APLP2: variants seen among roughly 807,000 people sequenced by gnomAD.
APLP2 encodes amyloid beta precursor like protein 2.
In APLP2, 53 loss-of-function variants were observed where a neutral mutation model predicts 89.9. The observed-to-expected ratio is 0.59, with a 90% confidence interval of 0.47 to 0.74. The LOEUF (loss-of-function observed/expected upper bound fraction) is 0.74. Among genes scored for constraint, APLP2 ranks in the 30% least tolerant of loss-of-function variants. The pLI is 0.00. For synonymous variants in APLP2, 372 were observed against 348.6 expected (o/e 1.07, Z -0.75); for missense variants, 973 against 975.9 (o/e 1.00, Z 0.04).
At chr11:130,101,824 C>A in intron 1 of APLP2, 1 of 418,156 alleles carries the variant, frequency 2.4e-6, no homozygotes, top group South Asian at 1.8e-5. Context: ...GACTTACAGA[C>A]CTTATTCAAA....
At chr11:130,072,553 T>C (rs1179346604) in intron 1 of APLP2, among the ~76,000 whole-genome samples, 1 of 149,788 alleles carries the variant, frequency 6.7e-6, no homozygotes, top group Non-Finnish European at 1.5e-5. Context: ...CTGGGCTCAC[T>C]GCAACTTCCG....
Position 130,127,778 on chromosome 11 carries a change from T to C in APLP2, c.1234T>C (p.Trp412Arg), listed in dbSNP as rs773180774. Residue 412 changes from tryptophan to arginine, a missense_variant, in exon 9 of 17, where the codon TGG becomes CGG. Trp to Arg is a moderately radical substitution (Grantham distance 101). Coordinates refer to ENST00000338167, the MANE Select transcript of APLP2 (RefSeq NM_001142276.2). ...ACCTTTGTTCTAGGTAAAGAAGGAA[T>C]GGGAAGAGGCAGAGCTTCAAGCTAA... ...RNRMDRVKKE[W>R]EEAELQAKNL... The C allele has an allele frequency of 2.5e-6, 4 of 1,614,090 alleles. No homozygotes were observed. Among genetic ancestry groups the C allele is most frequent in the Non-Finnish European group, 1.7e-6 (2 of 1,179,990 alleles).
At position 130,123,378 on chromosome 11, in the gene APLP2, C is replaced by A. The variant is rs956053872; in HGVS notation, c.923-234C>A. Among the ~76,000 whole-genome samples the A allele has an allele frequency of 1.3e-5, 2 of 152,210 alleles. No homozygotes were observed. The highest frequency in any genetic ancestry group is 4.8e-5 in the African/African-American group (2 of 41,456). On this transcript the variant is annotated intron_variant, in intron 6 of 16. Coordinates refer to ENST00000338167, the MANE Select transcript of APLP2 (RefSeq NM_001142276.2). The surrounding 1 kb of genome is among the most constrained non-coding windows in gnomAD (Gnocchi z 4.0). ...GTCAATCTAAACTCAGATCTAGACT[C>A]CAGAGGGTGCCAAAAAAATATTTAT...
chr11:130,082,335 C>T (rs1328198801), intron 1 of APLP2, among the ~76,000 whole-genome samples: 1 of 152,068 alleles, frequency 6.6e-6, no homozygotes, highest in African/African-American at 2.4e-5. Context: ...AGGTGCCCGC[C>T]ATCACGCCCA....
Position 130,141,521 on chromosome 11 carries a change from TAAGGA to T in APLP2, c.1950_1954del (p.Lys650AsnfsTer29). 1 of 1,613,908 alleles carries T rather than the reference TAAGGA, an allele frequency of 6.2e-7. No homozygotes were observed. Among genetic ancestry groups the T allele is most frequent in the Non-Finnish European group, 8.5e-7 (1 of 1,179,952 alleles). On this transcript the variant is annotated frameshift_variant, in exon 15 of 17. Transcript: ENST00000338167. LOFTEE classifies it high-confidence loss of function. This position sits in a 1 kb window ranked among gnomAD's most constrained non-coding sequence, Gnocchi z 4.2. ...AGGTCATTGACGAGACTCTGGATGT[TAAGGA>T]AATGATTTTCAATGCCGAGAGAGTT...
At chr11:130,094,012 T>G (rs1945832869) in intron 1 of APLP2, among the ~76,000 whole-genome samples, 1 of 151,426 alleles carries the variant, frequency 6.6e-6, no homozygotes, top group Non-Finnish European at 1.5e-5. Context: ...CTCAAAGTGC[T>G]GGGATTACAG....
intron 1 of APLP2, among the ~76,000 whole-genome samples, chr11:130,072,255 C>T (rs1941252759): frequency 6.6e-6 from 1 of 152,188 alleles, no homozygotes; most frequent in Non-Finnish European, 1.5e-5. Context: ...CAGTGGATGA[C>T]TAGGCTCCTG....
chr11:130,143,219 C>A lies in APLP2; in HGVS notation c.2155-128C>A, dbSNP rs191884185. 5 of 796,404 alleles carry A rather than the reference C, an allele frequency of 6.3e-6. No individual in the cohort carries two copies. In the South Asian group the frequency reaches 7.4e-5, roughly 12 times the overall value. The allele number at this position is 796,404 out of a possible 1,614,324, so 49.3% of individuals were successfully genotyped here. A position where few individuals can be genotyped will look rare whatever the true frequency, so the allele number is the denominator to read the frequency against. ...ACCACCGGTTCTCATTTGGCCTGTC[C>A]GGTGGGAACGGGCTGCTGGCTGCAT... On this transcript the variant is annotated intron_variant, in intron 16 of 16. Transcript: ENST00000338167.
At chr11:130,097,379 C>T (rs779864782) in intron 1 of APLP2, among the ~76,000 whole-genome samples, 4 of 152,190 alleles carry the variant, frequency 2.6e-5, no homozygotes, top group Non-Finnish European at 5.9e-5. Flanking sequence ...GAATTTCATG[C>T]CTTTCAGCAT....
Position 130,121,649 on chromosome 11 carries a change from C to A in APLP2, c.552C>A (p.Tyr184Ter). The A allele has an allele frequency of 1.9e-6, 3 of 1,614,028 alleles. No individual in the cohort carries two copies. Among genetic ancestry groups the A allele is most frequent in the Non-Finnish European group, 2.5e-6 (3 of 1,179,988 alleles). The change falls in exon 5 of 17, where the codon TAC becomes TAA. Residue 184 changes from tyrosine to a stop codon, truncating the protein, a stop_gained. Transcript: ENST00000338167. LOFTEE classifies it high-confidence loss of function. ...CLTQGMTLYS[Y>*]GMLLPCGVDQ... The stretch of plus-strand genomic sequence containing the variant: ...CTCAGGGAATGACCTTATATAGCTA[C>A]GGCATGCTGCTCCCATGTGGGGTAG...
At chr11:130,122,739 G>A (rs1949963107) in intron 6 of APLP2, among the ~76,000 whole-genome samples, 1 of 152,160 alleles carries the variant, frequency 6.6e-6, no homozygotes, top group African/African-American at 2.4e-5. Flanking sequence ...AGAGAACGGG[G>A]ACTAGAGAGT....
chr11:130,108,615 A>G (rs185501407), intron 1 of APLP2: 1 of 152,242 alleles, frequency 6.6e-6, no homozygotes, highest in Non-Finnish European at 1.5e-5. Flanking sequence ...GTGGGACTCT[A>G]AACTAGTTCA....
At chr11:130,093,689 T>C (rs1470429904) in intron 1 of APLP2, among the ~76,000 whole-genome samples, 1 of 152,092 alleles carries the variant, frequency 6.6e-6, no homozygotes, top group African/African-American at 2.4e-5. Flanking sequence ...CCAAGACATG[T>C]TAGGTTGAAA....
intron 1 of APLP2, among the ~76,000 whole-genome samples, chr11:130,090,584 G>A (rs1339043196): frequency 6.6e-6 from 1 of 152,012 alleles, no homozygotes; most frequent in East Asian, 1.9e-4. Context: ...TTGGGGGTAA[G>A]GTCACAGATC....
intron 3 of APLP2, among the ~76,000 whole-genome samples, chr11:130,117,189 T>A (rs1022703128): frequency 2.0e-5 from 3 of 152,252 alleles, no homozygotes; most frequent in African/African-American, 7.2e-5. Context: ...GTGTTCTTTT[T>A]TGATTTTTAG....
At chr11:130,099,645 C>A (rs1454368315) in intron 1 of APLP2, among the ~76,000 whole-genome samples, 1 of 152,180 alleles carries the variant, frequency 6.6e-6, no homozygotes, top group Admixed American at 6.5e-5. Flanking sequence ...TGAATTCCCA[C>A]AAAATATGAA....
chr11:130,133,436 A>T (rs1951159728), intron 11 of APLP2, among the ~76,000 whole-genome samples, 193 bp from the exon 12 acceptor site: 1 of 152,152 alleles, frequency 6.6e-6, no homozygotes. Context: ...ACACGTTCTT[A>T]TACTTTAGCA....
chr11:130,138,374 G>A (rs922790650), intron 13 of APLP2, among the ~76,000 whole-genome samples: 6 of 152,106 alleles, frequency 3.9e-5, no homozygotes, highest in African/African-American at 1.2e-4. Context: ...TGACTGTGCC[G>A]ACATTCCTTT....
intron 1 of APLP2, among the ~76,000 whole-genome samples, chr11:130,085,546 T>G (rs964945755): frequency 1.3e-5 from 2 of 152,180 alleles, no homozygotes; most frequent in Non-Finnish European, 1.5e-5. Flanking sequence ...CTACTAAACA[T>G]TAAGGAAGAA....
Sources: allele counts gnomAD v4.1 joint callset (sites outside exome capture counted in the v4.1 genomes callset), GRCh38; gene constraint gnomAD v4.1.1; non-coding constraint Gnocchi (gnomAD v3.1); transcripts MANE v1.5; gene names NCBI Gene and HGNC (gene_info 2026-07-23, HGNC 2026-07-21).